Variants in LARP4 observed in about 807,000 individuals in gnomAD.
LARP4 encodes the protein la-related protein 4.
A neutral mutation model predicts 92.9 loss-of-function variants in LARP4; 29 were observed. The ratio of observed to expected loss-of-function variants is 0.31; its 90% CI spans 0.23 to 0.43. The LOEUF (loss-of-function observed/expected upper bound fraction) is 0.43, where lower values mean the gene tolerates loss of function less well. Among genes scored for constraint, LARP4 ranks in the 20% least tolerant of loss-of-function variants. The pLI is 1.00. For synonymous variants in LARP4, 279 were observed against 284.1 expected (o/e 0.98, Z 0.18); for missense variants, 732 against 860.0 (o/e 0.85, Z 1.86).
intron 1 of LARP4, among the ~76,000 whole-genome samples, chr12:50,414,862 A>G (rs1227729786): frequency 6.6e-6 from 1 of 152,180 alleles, no homozygotes; most frequent in East Asian, 1.9e-4. Context: ...TCAATACTGT[A>G]CTATACAACC....
chr12:50,458,019 G>A (rs1361725930), intron 10 of LARP4, among the ~76,000 whole-genome samples: 2 of 147,938 alleles, frequency 1.4e-5, no homozygotes, highest in Non-Finnish European at 3.0e-5. Context: ...CTGTAGTTTT[G>A]ACCTCCCAGG....
intron 3 of LARP4, 54 bp downstream of exon 3, chr12:50,429,144 A>T: frequency 1.5e-6 from 2 of 1,301,854 alleles, no homozygotes; most frequent in Non-Finnish European, 2.2e-6. Context: ...GACACCCCCC[A>T]CCCATGGTCT....
In LARP4 at chr12:50,455,223, G is replaced by A. The variant is rs1025488440; in HGVS notation, c.1121+806G>A. On this transcript the variant is annotated intron_variant, in intron 10 of 15. Coordinates refer to ENST00000398473, the MANE Select transcript of LARP4 (RefSeq NM_052879.5). ...CAATATTTGGTGTATGTTATGGCTTGTTGTTGTTGTTGTTGTGGGGGTAGA... is the reference window on the plus strand; with the variant it reads ...CAATATTTGGTGTATGTTATGGCTTATTGTTGTTGTTGTTGTGGGGGTAGA... 1.2e-4 allele frequency among the ~76,000 whole-genome samples: 18 copies of A among 152,020 alleles called. No homozygotes were observed. In the South Asian group the frequency reaches 3.5e-3, roughly 30 times the overall value.
At chr12:50,411,525 C>T (rs1156414011) in intron 1 of LARP4, among the ~76,000 whole-genome samples, 1 of 151,770 alleles carries the variant, frequency 6.6e-6, no homozygotes, top group Non-Finnish European at 1.5e-5. Context: ...GATGGGGTTT[C>T]ACCATGTTGG....
chr12:50,462,416 C>T (rs541216745), intron 11 of LARP4, among the ~76,000 whole-genome samples, 166 bp from the exon 12 acceptor site: 4 of 150,168 alleles, frequency 2.7e-5, no homozygotes, highest in South Asian at 2.1e-4. Flanking sequence ...GGAGGCAGTT[C>T]GTAGTGAGCC....
chr12:50,469,601 C>CAAAAAAAAA (rs757844912), intron 13 of LARP4, among the ~76,000 whole-genome samples: 2 of 65,556 alleles, frequency 3.1e-5, no homozygotes, highest in Admixed American at 2.2e-4. Flanking sequence ...GAGACTCTAT[C>CAAAAAAAAA]AAAAAAAAAA....
Position 50,475,594 on chromosome 12 carries a change from G to T in LARP4, c.1905G>T (p.Val635=), listed in dbSNP as rs769356820. Reference sequence around the variant, plus strand: ...CTAAAGAGCCATCTTCAGTTCTTGTGCAGCCACTACGGGAACTTCGCTCCA... The same window carrying T: ...CTAAAGAGCCATCTTCAGTTCTTGTTCAGCCACTACGGGAACTTCGCTCCA... The part of the protein sequence containing the change: ...KPPKEPSSVL[V]QPLRELRSNV... Residue 635 remains valine, a synonymous_variant, in exon 16 of 16, where the codon GTG becomes GTT. Transcript: ENST00000398473. 2 of 1,613,580 alleles carry T rather than the reference G, an allele frequency of 1.2e-6. No homozygotes were observed. The highest frequency in any genetic ancestry group is 1.7e-5 in the Admixed American group (1 of 59,984).
chr12:50,406,158 A>G (rs1430704493), intron 1 of LARP4, among the ~76,000 whole-genome samples: 1 of 152,148 alleles, frequency 6.6e-6, no homozygotes, highest in East Asian at 1.9e-4. Flanking sequence ...GGACGCTTTA[A>G]TAACTCTTAA....
At chr12:50,422,132 G>C (rs1947913676) in intron 1 of LARP4, among the ~76,000 whole-genome samples, 1 of 151,896 alleles carries the variant, frequency 6.6e-6, no homozygotes, top group African/African-American at 2.4e-5. Flanking sequence ...CCCACGACTG[G>C]CTAATTTTTT....
intron 1 of LARP4, among the ~76,000 whole-genome samples, chr12:50,410,691 A>C (rs1371199091): frequency 1.3e-5 from 2 of 152,152 alleles, no homozygotes; most frequent in Non-Finnish European, 2.9e-5. Flanking sequence ...GGCGTGAGCC[A>C]CGGTACCCGG....
chr12:50,474,064 C>A lies in LARP4; in HGVS notation c.1733C>A (p.Thr578Lys), dbSNP rs1957268447. The A allele has an allele frequency of 6.2e-7, 1 of 1,612,108 alleles. No homozygotes were observed. Among genetic ancestry groups the A allele is most frequent in the Non-Finnish European group, 8.5e-7 (1 of 1,179,476 alleles). ...SSVQKDGLNQ[T>K]TIPVSPPSTT... ...GTTCAGAAGGATGGTCTCAATCAGA[C>A]AACTATACCAGTTTCTCCTCCAAGT... Residue 578 changes from threonine to lysine, a missense_variant, in exon 15 of 16, where the codon ACA becomes AAA. By Grantham distance (78) the Thr-to-Lys change is moderately conservative. Transcript: ENST00000398473.
chr12:50,434,651 C>T (rs903216188), intron 4 of LARP4, among the ~76,000 whole-genome samples: 4 of 151,442 alleles, frequency 2.6e-5, no homozygotes, highest in Non-Finnish European at 4.4e-5. Flanking sequence ...TAATGATCCA[C>T]CCGCCTCGGC....
At chr12:50,462,546 C>CA in intron 11 of LARP4, 36 bp from the exon 12 acceptor site, 1 of 1,084,150 alleles carries the variant, frequency 9.2e-7, no homozygotes, top group Non-Finnish European at 1.4e-6. Flanking sequence ...CTTGTCCCTC[C>CA]ACCCCACCCC....
Position 50,400,888 on chromosome 12 carries a change from C to A in LARP4, c.-123C>A. Reference sequence around the variant, plus strand: ...CAGCGGCTGACGGCAGGGGAGGAGCCGGGTCCACTGCCGGGTGGAGGGGCA... The same window carrying A: ...CAGCGGCTGACGGCAGGGGAGGAGCAGGGTCCACTGCCGGGTGGAGGGGCA... On this transcript the variant is annotated 5_prime_UTR_variant, in exon 1 of 16. Transcript: ENST00000398473. 8.9e-6 allele frequency: 12 copies of A among 1,343,496 alleles called. No individual in the cohort carries two copies. Among genetic ancestry groups the A allele is most frequent in the East Asian group, 2.3e-5 (1 of 43,594 alleles). The allele number at this position is 1,343,496 out of a possible 1,614,324, so 83.2% of individuals were successfully genotyped here. A position where few individuals can be genotyped will look rare whatever the true frequency, so the allele number is the denominator to read the frequency against.
chr12:50,458,124 A>G (rs1954662992), intron 10 of LARP4, among the ~76,000 whole-genome samples: 2 of 151,580 alleles, frequency 1.3e-5, no homozygotes, highest in African/African-American at 4.9e-5. Flanking sequence ...TTTTTTGTAA[A>G]GACAGGGTTT....
intron 1 of LARP4, among the ~76,000 whole-genome samples, chr12:50,422,684 T>G (rs1948001502): frequency 6.6e-6 from 1 of 151,694 alleles, no homozygotes; most frequent in African/African-American, 2.4e-5. Context: ...TTCTTAGCAT[T>G]CATAAATAAT....
chr12:50,474,823 G>A (rs1317082725), intron 15 of LARP4, among the ~76,000 whole-genome samples: 2 of 152,108 alleles, frequency 1.3e-5, no homozygotes, highest in African/African-American at 4.8e-5. Context: ...CCATTGAGAG[G>A]CCACTCCCAT....
intron 6 of LARP4, among the ~76,000 whole-genome samples, chr12:50,438,909 T>C (rs1162737082): frequency 6.6e-6 from 1 of 152,230 alleles, no homozygotes; most frequent in Non-Finnish European, 1.5e-5. Context: ...ACTGACATTG[T>C]AATTGATTAG....
chr12:50,462,563 ACC>A lies in LARP4; in HGVS notation c.1335-18_1335-17del. 1 of 434,856 alleles carries A rather than the reference ACC, an allele frequency of 2.3e-6. No individual in the cohort carries two copies. The highest frequency in any genetic ancestry group is 3.8e-6 in the Non-Finnish European group (1 of 261,250). The allele number at this position is 434,856 out of a possible 1,614,324, so 26.9% of individuals were successfully genotyped here. Reference sequence around the variant, plus strand: ...TGTCCCTCCACCCCACCCCACCCCCACCTTTTTCTTATTAAAAGGAGAACTCT... The same window carrying A: ...TGTCCCTCCACCCCACCCCACCCCCATTTTTCTTATTAAAAGGAGAACTCT... On this transcript the variant is annotated splice_polypyrimidine_tract_variant and intron_variant, in intron 11 of 15. Transcript: ENST00000398473.
Sources: gnomAD v4.1 joint callset for allele counts (sites outside exome capture counted in the v4.1 genomes callset) on GRCh38, gnomAD v4.1.1 for gene constraint, MANE v1.5 for transcripts, NCBI Gene and HGNC (gene_info 2026-07-23, HGNC 2026-07-21) for gene names.